Variants in ZFYVE21 observed in about 807,000 individuals in gnomAD.
The protein encoded by ZFYVE21 is zinc finger FYVE-type containing 21, also known as zinc finger FYVE domain-containing protein 21.
ZFYVE21 carries 21 observed loss-of-function variants against 29.5 expected under a neutral mutation model. The observed-to-expected ratio is 0.71, with a 90% CI of 0.50 to 1.02. The LOEUF (loss-of-function observed/expected upper bound fraction) is 1.02. Ranked by LOEUF, ZFYVE21 falls within the 50% of genes least tolerant of loss-of-function variation. The pLI, the probability that ZFYVE21 is intolerant of heterozygous loss-of-function variation, is 0.00. For missense variants in ZFYVE21, 326 were observed against 335.4 expected, an observed-to-expected ratio of 0.97 and a Z score of 0.22; for synonymous variants, 151 against 133.8, an observed-to-expected ratio of 1.13 and a Z score of -0.89.
At chr14:103,717,078 G>C (rs748259006) in intron 1 of ZFYVE21, among the ~76,000 whole-genome samples, 2 of 151,886 alleles carry the variant, frequency 1.3e-5, no homozygotes, top group Admixed American at 1.3e-4. Flanking sequence ...GAGGCCTGGT[G>C]GGGGGTGAGC....
chr14:103,733,021 C>A lies in ZFYVE21; in HGVS notation c.*3C>A. ...TCTATGAATCTCGGGACCAGTAACT[C>A]TACGTGGGGCTGAGCTTGGAGTACG... On this transcript the variant is annotated 3_prime_UTR_variant, in exon 7 of 7. Transcript: ENST00000311141. The A allele has an allele frequency of 6.2e-7, 1 of 1,614,124 alleles. No individual in the cohort carries two copies. Among genetic ancestry groups the A allele is most frequent in the Non-Finnish European group, 8.5e-7 (1 of 1,180,030 alleles).
chr14:103,727,938 TC>T lies in ZFYVE21; in HGVS notation c.358+27del, dbSNP rs768903273. ...CGGTAAGGACGGGTGTCCTGCACAGTCCCGCGCGCTCCGCCAGCCGGCTCCT... is the reference window on the plus strand; with the variant it reads ...CGGTAAGGACGGGTGTCCTGCACAGTCCGCGCGCTCCGCCAGCCGGCTCCT... On this transcript the variant is annotated intron_variant, in intron 3 of 6. Coordinates refer to ENST00000311141, the MANE Select transcript of ZFYVE21 (RefSeq NM_024071.4). 3.2e-6 allele frequency: 5 copies of T among 1,582,640 alleles called. No individual in the cohort carries two copies. The East Asian group carries it at 1.1e-4, about 36-fold the overall frequency.
intron 5 of ZFYVE21, chr14:103,729,695 C>A: frequency 1.4e-6 from 2 of 1,404,964 alleles, no homozygotes; most frequent in Non-Finnish European, 1.9e-6. Flanking sequence ...ACTGTGCTGA[C>A]AGATGCGTGT....
intron 1 of ZFYVE21, among the ~76,000 whole-genome samples, chr14:103,718,332 G>C (rs759950186): frequency 6.6e-6 from 1 of 152,226 alleles, no homozygotes. Flanking sequence ...GCCTGACCGG[G>C]CTGGTTTATC....
intron 1 of ZFYVE21, chr14:103,725,419 T>G (rs1175270880): frequency 2.6e-5 from 4 of 152,408 alleles, no homozygotes; most frequent in Non-Finnish European, 5.9e-5. Flanking sequence ...AGAAGCAGGC[T>G]CTGTGGTGGT....
intron 2 of ZFYVE21, 108 bp downstream of exon 2, chr14:103,726,950 T>TTTTTTTTG: frequency 2.1e-6 from 2 of 968,590 alleles, no homozygotes; most frequent in Non-Finnish European, 2.9e-6. Context: ...TATGGCTCGT[T>TTTTTTTTG]TTTTTTTTTT....
rs780453040 is a variant in ZFYVE21, at chr14:103,726,862, T to G, written c.189+20T>G. ...AGAAAGGTGAGCTGAGGCCGCTGAG[T>G]GGGGGTGGTGGGAAGAGGGGAGGGG... On this transcript the variant is annotated intron_variant, in intron 2 of 6. Transcript: ENST00000311141. 1.2e-6 allele frequency: 2 copies of G among 1,608,816 alleles called. No homozygotes were observed. Among genetic ancestry groups the G allele is most frequent in the South Asian group, 1.1e-5 (1 of 90,950 alleles).
chr14:103,724,311 G>A (rs559190356), intron 1 of ZFYVE21, among the ~76,000 whole-genome samples: 1 of 152,256 alleles, frequency 6.6e-6, no homozygotes, highest in Non-Finnish European at 1.5e-5. Context: ...GGGCTGGAAC[G>A]GTGCCATGCG....
chr14:103,728,839 G>A, intron 3 of ZFYVE21, 69 bp from the exon 4 acceptor site: 1 of 1,480,108 alleles, frequency 6.8e-7, no homozygotes, highest in Non-Finnish European at 9.4e-7. Flanking sequence ...TCTCCTACTG[G>A]TACTCGTGGG....
Position 103,732,695 on chromosome 14 carries a change from T to G in ZFYVE21, c.602T>G (p.Leu201Arg), listed in dbSNP as rs780742230. The change falls in exon 6 of 7, where the codon CTG becomes CGG. Residue 201 changes from leucine to arginine, a missense_variant. Physicochemically the swap from Leu to Arg is moderately radical, Grantham distance 102. Transcript: ENST00000311141. ...PGTEGVTQLKLTVVEDVTVGR... is the reference protein window; with the variant it reads ...PGTEGVTQLKRTVVEDVTVGR... ...ACGGAGGGTGTGACCCAGCTGAAGC[T>G]GACAGTGGTGGAGGACGTGACTGTG... The G allele has an allele frequency of 6.2e-7, 1 of 1,613,368 alleles. No homozygotes were observed. The highest frequency in any genetic ancestry group is 8.5e-7 in the Non-Finnish European group (1 of 1,179,772).
rs554929298 is a variant in ZFYVE21 at position 103,727,800 on chromosome 14, G to C, written c.244G>C (p.Val82Leu). 50 of 1,612,436 alleles carry C rather than the reference G, an allele frequency of 3.1e-5. No individual in the cohort carries two copies. Among genetic ancestry groups the C allele is most frequent in the Non-Finnish European group, 3.8e-5 (45 of 1,179,908 alleles). ...CTGCGACAGGTGCTGCAGCCAGAAG[G>C]TGCCGCTGCGGCGCATGTGCTTTGT... Reference protein sequence around the residue: ...CFCDRCCSQKVPLRRMCFVDP... With the variant: ...CFCDRCCSQKLPLRRMCFVDP... Residue 82 changes from valine (V) to leucine (L), a missense_variant, in exon 3 of 7, where the codon GTG becomes CTG. By Grantham distance (32) the Val-to-Leu change is conservative (BLOSUM62 1). Transcript: ENST00000311141.
intron 1 of ZFYVE21, among the ~76,000 whole-genome samples, chr14:103,719,625 G>A (rs554132813): frequency 6.6e-6 from 1 of 152,124 alleles, no homozygotes; most frequent in East Asian, 1.9e-4. Context: ...GTGGTTCTCG[G>A]TGGAAGGCTT....
In ZFYVE21 at chr14:103,733,570, G is replaced by GTGTT. The variant is rs1198450590; in HGVS notation, c.*554_*557dup. The stretch of plus-strand genomic sequence containing the variant: ...TCACCAAGGGGAACGTGGGGGCTTT[G>GTGTT]TGTTTTGTACTTTTCACTCACTATT... On this transcript the variant is annotated 3_prime_UTR_variant, in exon 7 of 7. Transcript: ENST00000311141. 6.5e-6 allele frequency: 1 copy of GTGTT among 153,386 alleles called. No homozygotes were observed. Among genetic ancestry groups the GTGTT allele is most frequent in the Non-Finnish European group, 1.5e-5 (1 of 68,572 alleles). The allele number at this position is 153,386 out of a possible 1,614,324, so 9.5% of individuals were successfully genotyped here. A position where few individuals can be genotyped will look rare whatever the true frequency, so the allele number is the denominator to read the frequency against.
At position 103,729,128 on chromosome 14, in the gene ZFYVE21, G is replaced by A. The variant is rs145933677; in HGVS notation, c.472G>A (p.Glu158Lys). 15 of 1,613,910 alleles carry A rather than the reference G, an allele frequency of 9.3e-6. No individual in the cohort carries two copies. Among genetic ancestry groups the A allele is most frequent in the South Asian group, 5.5e-5 (5 of 91,078 alleles). ...GGATGGAGACAGCCACTATGAAATCGAAATTGTACACATTTCCACCGTGCA... is the reference window on the plus strand; with the variant it reads ...GGATGGAGACAGCCACTATGAAATCAAAATTGTACACATTTCCACCGTGCA... ...FLDGDSHYEI[E>K]IVHISTVQIL... Residue 158 changes from glutamate to lysine, a missense_variant, in exon 5 of 7, where the codon GAA (glutamate) becomes AAA (lysine). Coordinates refer to ENST00000311141, the MANE Select transcript of ZFYVE21 (RefSeq NM_024071.4).
intron 1 of ZFYVE21, among the ~76,000 whole-genome samples, chr14:103,722,057 C>T (rs1238327682): frequency 6.6e-6 from 1 of 151,976 alleles, no homozygotes; most frequent in Non-Finnish European, 1.5e-5. Flanking sequence ...TTAAAGGAGG[C>T]GCTGGTGGGA....
chr14:103,717,354 G>GAAAT, intron 1 of ZFYVE21, among the ~76,000 whole-genome samples: 1 of 152,336 alleles, frequency 6.6e-6, no homozygotes, highest in African/African-American at 2.4e-5. Flanking sequence ...TAATAGCACA[G>GAAAT]AAATACTCTA....
intron 3 of ZFYVE21, 74 bp downstream of exon 3, chr14:103,727,988 C>A: frequency 6.7e-7 from 1 of 1,486,696 alleles, no homozygotes; most frequent in African/African-American, 1.4e-5. Context: ...ATGCTGTGGG[C>A]TGTGCACGGG....
At chr14:103,732,325 A>G (rs372686061) in intron 5 of ZFYVE21, 5 of 282,452 alleles carry the variant, frequency 1.8e-5, no homozygotes, top group African/African-American at 2.2e-5. Flanking sequence ...CAGCGCCTCA[A>G]TTAGCCGAGA....
At chr14:103,726,539 C>T (rs187966425) in intron 1 of ZFYVE21, 3 of 486,920 alleles carry the variant, frequency 6.2e-6, no homozygotes, top group East Asian at 7.3e-5. Context: ...ACCCCAAGCC[C>T]ACCTCAGGCC....
Sources: allele counts gnomAD v4.1 joint callset (sites outside exome capture counted in the v4.1 genomes callset), GRCh38; gene constraint gnomAD v4.1.1; transcripts MANE v1.5; gene names NCBI Gene and HGNC (gene_info 2026-07-23, HGNC 2026-07-21).